The following PDS5A variants were observed in gnomAD, a reference collection of about 807,000 sequenced individuals.
PDS5A encodes PDS5 cohesin associated factor A, also known as sister chromatid cohesion protein PDS5 homolog A.
A neutral mutation model predicts 167.1 loss-of-function variants in PDS5A; 42 were observed. The ratio of observed to expected loss-of-function variants is 0.25; its 90% CI spans 0.20 to 0.33. The LOEUF (loss-of-function observed/expected upper bound fraction) is 0.33. Ranked by LOEUF, PDS5A falls within the 10% of genes least tolerant of loss-of-function variation. PDS5A has a pLI of 1.00. For missense variants in PDS5A, 1,033 were observed against 1,605.9 expected, an observed-to-expected ratio of 0.64 and a Z score of 6.10; for synonymous variants, 553 against 554.6, an observed-to-expected ratio of 1.00 and a Z score of 0.04.
At chr4:39,967,302 C>T (rs1730066740) in intron 2 of PDS5A, among the ~76,000 whole-genome samples, 2 of 151,768 alleles carry the variant, frequency 1.3e-5, no homozygotes, top group South Asian at 2.1e-4. Flanking sequence ...GAGATTCCAT[C>T]TCAAAAAGAA....
chr4:39,836,613 C>CTTTTTTTTTTT (rs1299199760), intron 32 of PDS5A, among the ~76,000 whole-genome samples: 1 of 78,682 alleles, frequency 1.3e-5, no homozygotes, highest in Non-Finnish European at 2.6e-5. Flanking sequence ...GGATTTTTTT[C>CTTTTTTTTTTT]TATTTTTTTT....
At chr4:39,954,510 G>A (rs967098708) in intron 2 of PDS5A, among the ~76,000 whole-genome samples, 2 of 151,890 alleles carry the variant, frequency 1.3e-5, no homozygotes, top group Non-Finnish European at 2.9e-5. Flanking sequence ...TAGTAGAGGT[G>A]GGGTTTCACC....
intron 2 of PDS5A, among the ~76,000 whole-genome samples, chr4:39,940,294 C>A (rs1727104130): frequency 6.6e-6 from 1 of 151,906 alleles, no homozygotes; most frequent in Admixed American, 6.6e-5. Context: ...GTAAGAAAAC[C>A]AAGGAGACTG....
intron 32 of PDS5A, among the ~76,000 whole-genome samples, chr4:39,828,591 C>A (rs1295110372): frequency 6.6e-6 from 1 of 152,124 alleles, no homozygotes; most frequent in South Asian, 2.1e-4. Flanking sequence ...AGTTAACAAA[C>A]CTAAAGTGTA....
rs145794317 is a variant in PDS5A at position 39,910,368 on chromosome 4, T to C, written c.993-30A>G. The C allele has an allele frequency of 7.6e-5, 83 of 1,090,516 alleles. 1 individual carries two copies. Among genetic ancestry groups the C allele is most frequent in the South Asian group, 6.8e-4 (51 of 75,218 alleles). The allele number at this position is 1,090,516 out of a possible 1,614,324, so 67.6% of individuals were successfully genotyped here. A position where few individuals can be genotyped will look rare whatever the true frequency, so the allele number is the denominator to read the frequency against. ...ACAGAAAAAGATTGCTAAACATTAA[T>C]TGTAAGGCAAAATAATCACTCTCAA... On this transcript the variant is annotated intron_variant, in intron 9 of 32. Transcript: ENST00000303538.
At chr4:39,872,920 TTC>T in intron 21 of PDS5A, 64 bp downstream of exon 21, 1 of 795,880 alleles carries the variant, frequency 1.3e-6, no homozygotes, top group South Asian at 3.7e-5. Context: ...ACAGAAGTGT[TTC>T]TGTGATGAAG....
At chr4:39,950,168 C>T (rs529368054) in intron 2 of PDS5A, among the ~76,000 whole-genome samples, 3 of 152,110 alleles carry the variant, frequency 2.0e-5, no homozygotes, top group Admixed American at 6.6e-5. Flanking sequence ...CCCAAAGTGG[C>T]GGGATTACAG....
intron 27 of PDS5A, among the ~76,000 whole-genome samples, 158 bp from the exon 28 acceptor site, chr4:39,849,128 C>A (rs77214008): frequency 6.6e-6 from 1 of 152,096 alleles, no homozygotes; most frequent in South Asian, 2.1e-4. Flanking sequence ...GTTTATGCAG[C>A]CTTCTGATAA....
intron 2 of PDS5A, among the ~76,000 whole-genome samples, chr4:39,940,641 G>A (rs1727136794): frequency 6.6e-6 from 1 of 152,178 alleles, no homozygotes; most frequent in Non-Finnish European, 1.5e-5. Flanking sequence ...GAGAAAGAGA[G>A]GAAGAAACAG....
chr4:39,956,286 G>A (rs1398289659), intron 2 of PDS5A, among the ~76,000 whole-genome samples: 1 of 152,006 alleles, frequency 6.6e-6, no homozygotes, highest in Non-Finnish European at 1.5e-5. Flanking sequence ...GAGATCAAGA[G>A]TTGGAGACTA....
chr4:39,895,199 CAAAAAAAAAAA>C (rs34303340), intron 16 of PDS5A, among the ~76,000 whole-genome samples: 1,421 of 93,454 alleles, frequency 0.015, 19 homozygotes, highest in Middle Eastern at 0.085. Context: ...GACTCCGTCT[CAAAAAAAAAAA>C]AAAAAAAAAA....
At chr4:39,888,832 T>A (rs972852266) in intron 17 of PDS5A, among the ~76,000 whole-genome samples, 1 of 152,150 alleles carries the variant, frequency 6.6e-6, no homozygotes, top group Non-Finnish European at 1.5e-5. Context: ...TTAATAGATA[T>A]AGAACGACTA....
intron 28 of PDS5A, chr4:39,846,500 A>G (rs546791502): frequency 3.2e-4 from 49 of 152,374 alleles, no homozygotes; most frequent in African/African-American, 9.9e-4. Flanking sequence ...CTCCATCTCA[A>G]AAAACATAAG....
intron 30 of PDS5A, among the ~76,000 whole-genome samples, chr4:39,842,911 A>ATATATATATATATATATATATATG (rs1490426796): frequency 1.5e-5 from 1 of 67,330 alleles, no homozygotes; most frequent in African/African-American, 4.3e-5. Context: ...TCCTATTTTT[A>ATATATATATATATATATATATATG]TATATATATA....
At chr4:39,884,726 C>T (rs1578666750) in intron 17 of PDS5A, among the ~76,000 whole-genome samples, 1 of 152,098 alleles carries the variant, frequency 6.6e-6, no homozygotes, top group African/African-American at 2.4e-5. Flanking sequence ...AATTTAAGTC[C>T]GTTATCTTCT....
chr4:39,829,685 C>G (rs1351058966), intron 32 of PDS5A, among the ~76,000 whole-genome samples: 1 of 150,254 alleles, frequency 6.7e-6, no homozygotes, highest in Non-Finnish European at 1.5e-5. Flanking sequence ...GGCGCGGTGG[C>G]TCACGCCTGT....
At chr4:39,906,938 A>C (rs61022593) in intron 11 of PDS5A, among the ~76,000 whole-genome samples, 20,913 of 148,838 alleles carry the variant, frequency 0.14, 1,647 homozygotes, top group African/African-American at 0.21. Context: ...AAAAAAAAAA[A>C]AAAAACAAGC....
chr4:39,859,341 C>G (rs147410337), intron 26 of PDS5A, among the ~76,000 whole-genome samples: 33 of 152,202 alleles, frequency 2.2e-4, no homozygotes, highest in Admixed American at 4.6e-4. Flanking sequence ...AATGCAGTAA[C>G]TGGATCAGAG....
chr4:39,917,337 A>G, intron 7 of PDS5A, 149 bp from the exon 8 acceptor site: 3 of 490,912 alleles, frequency 6.1e-6, no homozygotes, highest in Non-Finnish European at 1.1e-5. Context: ...GATTACTAAT[A>G]TATAATAGGA....
Sources: allele counts gnomAD v4.1 joint callset (sites outside exome capture counted in the v4.1 genomes callset), GRCh38; gene constraint gnomAD v4.1.1; transcripts MANE v1.5; gene names NCBI Gene and HGNC (gene_info 2026-07-23, HGNC 2026-07-21).